TMEM154: variants seen among roughly 807,000 people sequenced by gnomAD.
TMEM154 encodes transmembrane protein 154.
In TMEM154, 27 loss-of-function variants were observed where a neutral mutation model predicts 24.5. The observed-to-expected ratio is 1.10, with a 90% CI of 0.81 to 1.52. TMEM154 has a LOEUF of 1.52. TMEM154 is among the 40% of genes most tolerant of loss of function. The probability of loss-of-function intolerance (pLI) is 0.00; values close to 1 mark genes in which losing one functional copy is unlikely to be tolerated. For missense variants in TMEM154, 228 were observed against 213.4 expected (o/e 1.07, Z -0.43); for synonymous variants, 67 against 76.8 (o/e 0.87, Z 0.67).
chr4:152,635,594 C>G (rs1752132759), intron 6 of TMEM154, among the ~76,000 whole-genome samples: 3 of 152,222 alleles, frequency 2.0e-5, no homozygotes, highest in Middle Eastern at 3.4e-3. Flanking sequence ...AGGGATGAAA[C>G]AGGAAGAAAT....
chr4:152,654,113 A>C (rs1202232538), intron 1 of TMEM154, among the ~76,000 whole-genome samples: 1 of 152,188 alleles, frequency 6.6e-6, no homozygotes, highest in Non-Finnish European at 1.5e-5. Context: ...TGACTTGATG[A>C]CTATCTGAAA....
At chr4:152,640,052 C>T (rs979619483) in intron 6 of TMEM154, among the ~76,000 whole-genome samples, 7 of 152,154 alleles carry the variant, frequency 4.6e-5, no homozygotes, top group South Asian at 2.1e-4. Flanking sequence ...AGTATTCCCT[C>T]GCGATGCTCA....
At chr4:152,667,434 C>A (rs1278523163) in intron 1 of TMEM154, among the ~76,000 whole-genome samples, 1 of 150,724 alleles carries the variant, frequency 6.6e-6, no homozygotes, top group Non-Finnish European at 1.5e-5. Flanking sequence ...TTTTTTTTGT[C>A]AGGAGCAATG....
intron 6 of TMEM154, among the ~76,000 whole-genome samples, chr4:152,631,326 CTT>C (rs1237198788): frequency 2.6e-5 from 4 of 152,128 alleles, no homozygotes; most frequent in Non-Finnish European, 5.9e-5. Flanking sequence ...TACTGTTACT[CTT>C]TTATTACCAC....
At chr4:152,672,209 A>C (rs1198410555) in intron 1 of TMEM154, among the ~76,000 whole-genome samples, 2 of 152,028 alleles carry the variant, frequency 1.3e-5, no homozygotes, top group African/African-American at 4.8e-5. Context: ...TGAATCCAAG[A>C]TCGTGCCACT....
chr4:152,628,484 G>C lies in TMEM154; in HGVS notation c.*62C>G. ...ATTTGTATCCTCTTCATCCTCTGTT[G>C]GCAGCCTCAGCAGACTCCCTCAGGG... On this transcript the variant is annotated 3_prime_UTR_variant, in exon 7 of 7. Transcript: ENST00000304385. 1 of 1,473,636 alleles carries C rather than the reference G, an allele frequency of 6.8e-7. No individual in the cohort carries two copies. 91.3% of individuals were successfully genotyped at this position (1,473,636 alleles called of 1,614,324 possible). A position where few individuals can be genotyped will look rare whatever the true frequency, so the allele number is the denominator to read the frequency against.
intron 3 of TMEM154, among the ~76,000 whole-genome samples, chr4:152,648,324 C>T (rs755165519): frequency 1.3e-5 from 2 of 151,824 alleles, no homozygotes; most frequent in South Asian, 2.1e-4. Flanking sequence ...CTCTACAAAA[C>T]GTTTTTTAAA....
At chr4:152,657,535 C>A (rs781150937) in intron 1 of TMEM154, among the ~76,000 whole-genome samples, 3 of 152,052 alleles carry the variant, frequency 2.0e-5, no homozygotes, top group Non-Finnish European at 2.9e-5. Context: ...AAAAAGAAGA[C>A]CTGTTTAATG....
Position 152,628,519 on chromosome 4 carries a change from C to T in TMEM154, c.*27G>A. On this transcript the variant is annotated 3_prime_UTR_variant, in exon 7 of 7. Coordinates refer to ENST00000304385, the MANE Select transcript of TMEM154 (RefSeq NM_152680.3). The stretch of plus-strand genomic sequence containing the variant: ...GCAGACTCCCTCAGGGGCTGCTTCT[C>T]TTGGAAAACATGAGCGCCATTCAGG... The T allele has an allele frequency of 7.5e-7, 1 of 1,342,000 alleles. No individual in the cohort carries two copies. The highest frequency in any genetic ancestry group is 9.8e-7 in the Non-Finnish European group (1 of 1,021,126). The allele number at this position is 1,342,000 out of a possible 1,614,324, so 83.1% of individuals were successfully genotyped here.
chr4:152,638,679 T>A (rs1158905117), intron 6 of TMEM154, among the ~76,000 whole-genome samples: 5 of 121,648 alleles, frequency 4.1e-5, no homozygotes, highest in Non-Finnish European at 8.7e-5. Context: ...TTTCTTAGAT[T>A]TTTTAATGAA....
At chr4:152,667,590 A>G (rs1405877564) in intron 1 of TMEM154, among the ~76,000 whole-genome samples, 1 of 152,238 alleles carries the variant, frequency 6.6e-6, no homozygotes, top group African/African-American at 2.4e-5. Flanking sequence ...GAAAGCCTTC[A>G]CCTAATATGT....
intron 6 of TMEM154, among the ~76,000 whole-genome samples, chr4:152,634,234 T>C (rs1052655965): frequency 6.6e-5 from 10 of 152,252 alleles, no homozygotes; most frequent in Admixed American, 2.0e-4. Flanking sequence ...ATTGCCCCTT[T>C]GTTGCAGTCA....
At chr4:152,647,258 T>C (rs1418084964) in intron 3 of TMEM154, 2 of 985,132 alleles carry the variant, frequency 2.0e-6, no homozygotes, top group Admixed American at 1.2e-4. Flanking sequence ...CATGCTCTCC[T>C]ATAAAGCATT....
intron 6 of TMEM154, among the ~76,000 whole-genome samples, chr4:152,633,047 T>C (rs1272548813): frequency 2.0e-5 from 3 of 152,260 alleles, no homozygotes; most frequent in Admixed American, 2.0e-4. Flanking sequence ...AACACTAGCA[T>C]GAATATTGTT....
rs1751888219 is a variant in TMEM154, at chr4:152,624,607, AG to A, written c.*3938del. 6.6e-6 allele frequency: 1 copy of A among 152,192 alleles called. No individual in the cohort carries two copies. Among genetic ancestry groups the A allele is most frequent in the Non-Finnish European group, 1.5e-5 (1 of 68,050 alleles). 9.4% of individuals were successfully genotyped at this position (152,192 alleles called of 1,614,324 possible). On this transcript the variant is annotated 3_prime_UTR_variant, in exon 7 of 7. Transcript: ENST00000304385. The stretch of plus-strand genomic sequence containing the variant: ...CAGCATGAGACCCCGTCTCAAAAAA[AG>A]AAAAATAAAAAAAAACACCCAAAAA...
Position 152,623,729 on chromosome 4 carries a change from A to C in TMEM154, c.*4817T>G, listed in dbSNP as rs953253185. 3.3e-5 allele frequency: 5 copies of C among 152,090 alleles called. No individual in the cohort carries two copies. Among genetic ancestry groups the C allele is most frequent in the African/African-American group, 1.2e-4 (5 of 41,388 alleles). The allele number at this position is 152,090 out of a possible 1,614,324, so 9.4% of individuals were successfully genotyped here. Reference sequence around the variant, plus strand: ...ACCCTGTCTCTACTAAAAATACAAAAATTAGTTGTGCATGCAGTTGTGCAC... The same window carrying C: ...ACCCTGTCTCTACTAAAAATACAAACATTAGTTGTGCATGCAGTTGTGCAC... On this transcript the variant is annotated 3_prime_UTR_variant, in exon 7 of 7. Transcript: ENST00000304385.
At chr4:152,652,977 T>C (rs1161504049) in intron 1 of TMEM154, 50 bp from the exon 2 acceptor site, 2 of 1,496,190 alleles carry the variant, frequency 1.3e-6, no homozygotes, top group Non-Finnish European at 1.8e-6. Context: ...AAAGTTAGTA[T>C]GTTATATTGT....
chr4:152,669,986 TTA>T (rs1241619081), intron 1 of TMEM154: 2 of 152,216 alleles, frequency 1.3e-5, no homozygotes, highest in African/African-American at 4.8e-5. Flanking sequence ...TACACAAAGT[TTA>T]GTTATTTTTA....
At chr4:152,641,061 A>T in intron 5 of TMEM154, 76 bp from the exon 6 acceptor site, 2 of 1,410,250 alleles carry the variant, frequency 1.4e-6, no homozygotes, top group Non-Finnish European at 2.0e-6. Flanking sequence ...ATACAGTTAA[A>T]TACCATAGTT....
Sources: allele counts gnomAD v4.1 joint callset (sites outside exome capture counted in the v4.1 genomes callset), GRCh38; gene constraint gnomAD v4.1.1; transcripts MANE v1.5; gene names NCBI Gene and HGNC (gene_info 2026-07-23, HGNC 2026-07-21).